PRRG1: variants seen among roughly 807,000 people sequenced by gnomAD.
PRRG1 encodes the protein proline rich and Gla domain 1.
PRRG1 carries 5 observed loss-of-function variants against 11.8 expected under a neutral mutation model. That is an observed-to-expected ratio of 0.42 (90% CI 0.22 to 0.89). PRRG1 has a LOEUF of 0.89. Ranked by LOEUF, PRRG1 falls within the 40% of genes least tolerant of loss-of-function variation. The probability of loss-of-function intolerance (pLI) is 0.28; values close to 1 mark genes in which losing one functional copy is unlikely to be tolerated. For synonymous variants in PRRG1, 66 were observed against 60.4 expected (o/e 1.09, Z -0.43); for missense variants, 155 against 166.1 (o/e 0.93, Z 0.37).
At chrX:37,407,190 G>A (rs1932211140) in intron 2 of PRRG1, among the ~76,000 whole-genome samples, 1 of 111,606 alleles carries the variant, frequency 9.0e-6, no homozygotes, top group Admixed American at 9.5e-5. Flanking sequence ...TCTGGTCTGA[G>A]TTAGGTACAG....
chrX:37,417,249 TA>T (rs1932524763), intron 2 of PRRG1, among the ~76,000 whole-genome samples: 2 of 111,015 alleles, frequency 1.8e-5, no homozygotes, highest in South Asian at 7.6e-4. Context: ...TTAAATATAT[TA>T]ATAATCATTA....
intron 1 of PRRG1, among the ~76,000 whole-genome samples, chrX:37,386,024 A>C (rs781847205): frequency 9.0e-6 from 1 of 111,558 alleles, no homozygotes; most frequent in Non-Finnish European, 1.9e-5. Flanking sequence ...GCCTCCCCAA[A>C]GTGCTGGGAT....
intron 1 of PRRG1, among the ~76,000 whole-genome samples, chrX:37,396,268 C>T (rs782804427): frequency 8.9e-6 from 1 of 112,190 alleles, no homozygotes; most frequent in Admixed American, 9.4e-5. Flanking sequence ...AATATGACTT[C>T]CATATACAAG....
chrX:37,405,031 T>A (rs1303546356), intron 1 of PRRG1, among the ~76,000 whole-genome samples: 1 of 111,846 alleles, frequency 8.9e-6, no homozygotes, highest in Non-Finnish European at 1.9e-5. Context: ...GTCCCATTGC[T>A]CATTAGCATT....
intron 1 of PRRG1, 67 bp downstream of exon 1, chrX:37,349,462 G>A (rs1488292763): frequency 8.9e-6 from 1 of 112,630 alleles, no homozygotes; most frequent in African/African-American, 3.2e-5. Context: ...GCCCCAGGAA[G>A]GATTGGGGTG....
chrX:37,441,708 G>A (rs41305359), intron 3 of PRRG1: 10 of 793,628 alleles, frequency 1.3e-5, no homozygotes, highest in South Asian at 5.6e-5. Flanking sequence ...AGTTGCACAA[G>A]AAGAGGGAGC....
At chrX:37,389,720 T>C (rs1281861154) in intron 1 of PRRG1, among the ~76,000 whole-genome samples, 1 of 111,856 alleles carries the variant, frequency 8.9e-6, no homozygotes, top group Non-Finnish European at 1.9e-5. Context: ...ACCTTCTACA[T>C]TGGGAATTAC....
At chrX:37,395,629 A>C (rs1931689162) in intron 1 of PRRG1, among the ~76,000 whole-genome samples, 1 of 109,810 alleles carries the variant, frequency 9.1e-6, no homozygotes, top group African/African-American at 3.3e-5. Flanking sequence ...AAAAAAAAAA[A>C]GATATCAAAA....
intron 2 of PRRG1, among the ~76,000 whole-genome samples, chrX:37,422,086 C>T (rs1431613319): frequency 1.8e-5 from 2 of 111,846 alleles, no homozygotes; most frequent in African/African-American, 6.5e-5. Flanking sequence ...TATTACCTTC[C>T]ATTTGCTTAT....
In PRRG1 at chrX:37,396,185, G is replaced by A. The variant is rs782237938; in HGVS notation, c.-41-10024G>A. 1.2e-3 allele frequency among the ~76,000 whole-genome samples: 135 copies of A among 112,534 alleles called. 1 individual carries two copies. Among genetic ancestry groups the A allele is most frequent in the South Asian group, 2.9e-3 (8 of 2,739 alleles). On this transcript the variant is annotated intron_variant, in intron 1 of 3. Transcript: ENST00000378628. ...TTAAGTTGTCATTTCTAAACTGTAT[G>A]AACAATATAAAGATCAATAAAGTCT...
At chrX:37,368,500 CTT>C (rs1397391590) in intron 1 of PRRG1, among the ~76,000 whole-genome samples, 1 of 111,565 alleles carries the variant, frequency 9.0e-6, no homozygotes, top group Admixed American at 9.5e-5. Flanking sequence ...TTGCTTAACT[CTT>C]TGCGAGGTGT....
intron 3 of PRRG1, among the ~76,000 whole-genome samples, chrX:37,434,122 C>T (rs890237777): frequency 2.8e-4 from 31 of 112,282 alleles, no homozygotes; most frequent in African/African-American, 1.0e-3. Context: ...TAAAATTTAT[C>T]GCTCAGAATA....
chrX:37,418,246 G>A (rs1932556126), intron 2 of PRRG1, among the ~76,000 whole-genome samples: 1 of 112,136 alleles, frequency 8.9e-6, no homozygotes, highest in Admixed American at 9.5e-5. Context: ...TGCAGGGTTG[G>A]TGAAAATGGT....
chrX:37,369,320 T>A (rs1556370229), intron 1 of PRRG1, among the ~76,000 whole-genome samples: 1 of 112,263 alleles, frequency 8.9e-6, no homozygotes, highest in African/African-American at 3.2e-5. Flanking sequence ...AACATTTCAT[T>A]TTTTCATGCT....
chrX:37,377,970 G>A (rs17147152), intron 1 of PRRG1, among the ~76,000 whole-genome samples: 21,793 of 110,454 alleles, frequency 0.2, 2,498 homozygotes, highest in African/African-American at 0.43. Flanking sequence ...TCTCCTTCAG[G>A]TAAGTTGGGT....
intron 1 of PRRG1, among the ~76,000 whole-genome samples, chrX:37,349,780 T>C (rs932991701): frequency 9.0e-6 from 1 of 110,762 alleles, no homozygotes; most frequent in African/African-American, 3.3e-5. Context: ...CCTCCAGCGC[T>C]GCTTTCTCTG....
At chrX:37,416,617 G>A (rs1195964213) in intron 2 of PRRG1, among the ~76,000 whole-genome samples, 1 of 111,961 alleles carries the variant, frequency 8.9e-6, no homozygotes, top group Non-Finnish European at 1.9e-5. Context: ...TCCTGTTTTG[G>A]TGATTCCATC....
At chrX:37,399,170 A>G (rs1556379376) in intron 1 of PRRG1, among the ~76,000 whole-genome samples, 1 of 111,107 alleles carries the variant, frequency 9.0e-6, no homozygotes, top group African/African-American at 3.3e-5. Flanking sequence ...ACTCCAAGAC[A>G]CATAATTGTC....
intron 1 of PRRG1, among the ~76,000 whole-genome samples, chrX:37,356,672 A>T (rs1930246242): frequency 9.0e-6 from 1 of 110,612 alleles, no homozygotes; most frequent in African/African-American, 3.3e-5. Flanking sequence ...TAAACAGGAA[A>T]CTCTAGGAAT....
Sources: allele counts gnomAD v4.1 joint callset (sites outside exome capture counted in the v4.1 genomes callset), GRCh38; gene constraint gnomAD v4.1.1; transcripts MANE v1.5; gene names NCBI Gene and HGNC (gene_info 2026-07-23, HGNC 2026-07-21).